Variants in MYO1D observed in about 807,000 individuals in gnomAD.
MYO1D encodes the protein unconventional myosin-Id.
Under a neutral mutation model 122.0 loss-of-function variants are expected in MYO1D, and 83 were observed. The ratio of observed to expected loss-of-function variants is 0.68; its 90% confidence interval spans 0.57 to 0.82. The LOEUF is 0.82. Ranked by LOEUF, MYO1D falls within the 40% of genes least tolerant of loss-of-function variation. The probability of loss-of-function intolerance (pLI) is 0.00; values close to 1 mark genes in which losing one functional copy is unlikely to be tolerated. For missense variants in MYO1D, 1,157 were observed against 1,269.5 expected (o/e 0.91, Z 1.35); for synonymous variants, 464 against 446.9 (o/e 1.04, Z -0.48).
chr17:32,821,804 G>A (rs2090668044), intron 1 of MYO1D, among the ~76,000 whole-genome samples: 1 of 152,210 alleles, frequency 6.6e-6, no homozygotes, highest in Admixed American at 6.5e-5. Flanking sequence ...GACATCCTTT[G>A]GGGGTGATGG....
chr17:32,735,215 A>C (rs1422806629), intron 14 of MYO1D, among the ~76,000 whole-genome samples: 3 of 151,854 alleles, frequency 2.0e-5, no homozygotes, highest in African/African-American at 4.8e-5. Context: ...TTTGAGATGG[A>C]GTCTCGCTCT....
At chr17:32,677,433 A>G (rs941253384) in intron 16 of MYO1D, among the ~76,000 whole-genome samples, 9 of 152,086 alleles carry the variant, frequency 5.9e-5, no homozygotes, top group Admixed American at 1.3e-4. Flanking sequence ...AGATGGCAGG[A>G]GAAATGTTCC....
At chr17:32,578,728 C>A (rs1319730579) in intron 21 of MYO1D, among the ~76,000 whole-genome samples, 1 of 152,204 alleles carries the variant, frequency 6.6e-6, no homozygotes, top group Non-Finnish European at 1.5e-5. Context: ...GGCTAGGTCT[C>A]CTTTAATGCG....
intron 1 of MYO1D, among the ~76,000 whole-genome samples, chr17:32,840,215 A>C (rs2090867418): frequency 6.6e-6 from 1 of 152,236 alleles, no homozygotes; most frequent in Non-Finnish European, 1.5e-5. Context: ...ACTGGCGCAC[A>C]CTGGAGAGGA....
intron 8 of MYO1D, among the ~76,000 whole-genome samples, chr17:32,763,829 A>G (rs1022594439): frequency 3.9e-5 from 6 of 152,340 alleles, no homozygotes; most frequent in African/African-American, 1.4e-4. Context: ...CTGAGACAGG[A>G]GAATCACTTG....
chr17:32,671,535 C>T (rs1269990156), intron 16 of MYO1D, among the ~76,000 whole-genome samples: 2 of 152,182 alleles, frequency 1.3e-5, no homozygotes, highest in African/African-American at 4.8e-5. Flanking sequence ...CAACAGGTAT[C>T]TTTAAGGGAT....
rs181327135 is a variant in MYO1D, at chr17:32,721,753, C to T, written c.1747-564G>A. Among the ~76,000 whole-genome samples the T allele has an allele frequency of 2.0e-3, 309 of 152,296 alleles. 4 individuals are homozygous for T. The highest frequency in any genetic ancestry group is 7.2e-3 in the African/African-American group (301 of 41,558). ...GAGAAATTCCAAAACCACCTACAGG[C>T]ATCACTGATTCTATGAAGGAGCTCA... On this transcript the variant is annotated intron_variant, in intron 14 of 21. Coordinates refer to ENST00000318217, the MANE Select transcript of MYO1D (RefSeq NM_015194.3).
chr17:32,599,839 G>C (rs923101564), intron 21 of MYO1D, among the ~76,000 whole-genome samples: 6 of 152,286 alleles, frequency 3.9e-5, no homozygotes, highest in African/African-American at 1.2e-4. Context: ...TTTTAGTAGA[G>C]ACAGGGTTTC....
chr17:32,840,912 T>C (rs2151073657), intron 1 of MYO1D, among the ~76,000 whole-genome samples: 1 of 152,314 alleles, frequency 6.6e-6, no homozygotes, highest in South Asian at 2.1e-4. Flanking sequence ...ACACATTCAG[T>C]AAAGACCATA....
chr17:32,581,803 T>C (rs1597910357), intron 21 of MYO1D, among the ~76,000 whole-genome samples: 1 of 152,128 alleles, frequency 6.6e-6, no homozygotes, highest in African/African-American at 2.4e-5. Flanking sequence ...TCTTGCTCTG[T>C]CACCCAGGCT....
intron 16 of MYO1D, among the ~76,000 whole-genome samples, chr17:32,691,926 G>A (rs927035456): frequency 6.6e-6 from 1 of 152,034 alleles, no homozygotes. Flanking sequence ...GAAAAATCCC[G>A]AGTATTTGGT....
chr17:32,698,142 A>G lies in MYO1D; in HGVS notation c.2121+13846T>C, dbSNP rs148829502. On this transcript the variant is annotated intron_variant, in intron 16 of 21. Transcript: ENST00000318217. ...GACACTCATTCACAAGGTTCTTGTA[A>G]TGACTTAGTTAAATAACCAGAATAG... 6.6e-5 allele frequency among the ~76,000 whole-genome samples: 10 copies of G among 152,368 alleles called. No individual in the cohort carries two copies. In the East Asian group the frequency reaches 1.9e-3, roughly 29 times the overall value.
chr17:32,739,198 T>A (rs2089744631), intron 13 of MYO1D, among the ~76,000 whole-genome samples: 1 of 152,166 alleles, frequency 6.6e-6, no homozygotes, highest in African/African-American at 2.4e-5. Flanking sequence ...CTAGAAACTT[T>A]TATCAGAAAA....
At chr17:32,712,263 A>G in intron 15 of MYO1D, 68 bp from the exon 16 acceptor site, 2 of 1,408,768 alleles carry the variant, frequency 1.4e-6, no homozygotes, top group South Asian at 2.4e-5. Context: ...AAACTATTCA[A>G]TAAAATGCAA....
chr17:32,576,673 T>C (rs959863970), intron 21 of MYO1D, among the ~76,000 whole-genome samples: 3 of 152,152 alleles, frequency 2.0e-5, no homozygotes, highest in Non-Finnish European at 4.4e-5. Flanking sequence ...AATGAATGAA[T>C]GAGACAAGGT....
intron 16 of MYO1D, among the ~76,000 whole-genome samples, chr17:32,670,416 C>T (rs1401171962): frequency 6.6e-6 from 1 of 152,096 alleles, no homozygotes; most frequent in African/African-American, 2.4e-5. Flanking sequence ...TCTATATACA[C>T]AGATATACAC....
intron 20 of MYO1D, among the ~76,000 whole-genome samples, chr17:32,632,760 G>A (rs886350952): frequency 6.6e-6 from 1 of 151,998 alleles, no homozygotes; most frequent in Non-Finnish European, 1.5e-5. Context: ...AGGTAAGACG[G>A]AAAGGAGGGT....
Position 32,659,202 on chromosome 17 carries a change from A to G in MYO1D, c.2258T>C (p.Met753Thr), listed in dbSNP as rs2088518882. ...VARRFHGVKTMRDYGKHVKWP... is the reference protein window; with the variant it reads ...VARRFHGVKTTRDYGKHVKWP... ...CTTCACGTGCTTCCCGTAGTCTCGC[A>G]TGGTCTTGACGCCATGGAAGCGTCT... The change falls in exon 17 of 22, where the codon ATG becomes ACG. Residue 753 changes from methionine (M) to threonine (T), a missense_variant. Met to Thr is a moderately conservative substitution (Grantham distance 81). Transcript: ENST00000318217. 3 of 1,614,084 alleles carry G rather than the reference A, an allele frequency of 1.9e-6. No individual in the cohort carries two copies. The highest frequency in any genetic ancestry group is 4.5e-5 in the East Asian group (2 of 44,888).
chr17:32,796,088 A>G (rs1819005026), intron 1 of MYO1D, among the ~76,000 whole-genome samples: 2 of 152,188 alleles, frequency 1.3e-5, no homozygotes, highest in African/African-American at 2.4e-5. Flanking sequence ...TAATAATATG[A>G]CACTGATTTT....
Sources: allele counts gnomAD v4.1 joint callset (sites outside exome capture counted in the v4.1 genomes callset), GRCh38; gene constraint gnomAD v4.1.1; transcripts MANE v1.5; gene names NCBI Gene and HGNC (gene_info 2026-07-23, HGNC 2026-07-21).